The following ILRUN variants were observed in gnomAD, a reference collection of about 807,000 sequenced individuals.
ILRUN encodes the protein inflammation and lipid regulator with UBA-like and NBR1-like domains.
A neutral mutation model predicts 33.8 loss-of-function variants in ILRUN; 3 were observed. The observed-to-expected ratio is 0.09, with a 90% confidence interval of 0.04 to 0.23. ILRUN has a LOEUF of 0.23. ILRUN is among the 10% of genes least tolerant of loss of function. ILRUN has a pLI of 1.00. For synonymous variants in ILRUN, 124 were observed against 138.9 expected, an observed-to-expected ratio of 0.89 and a Z score of 0.75; for missense variants, 210 against 375.1, an observed-to-expected ratio of 0.56 and a Z score of 3.64.
intron 1 of ILRUN, among the ~76,000 whole-genome samples, chr6:34,668,921 G>A (rs1054392661): frequency 6.8e-6 from 1 of 146,244 alleles, no homozygotes; most frequent in Non-Finnish European, 1.5e-5. Flanking sequence ...TTGGATCACT[G>A]CAACCTCCGC....
intron 1 of ILRUN, among the ~76,000 whole-genome samples, chr6:34,667,665 T>C (rs1763032662): frequency 1.3e-5 from 2 of 152,182 alleles, no homozygotes; most frequent in African/African-American, 4.8e-5. Context: ...TAGGACAAAC[T>C]AACATAATAT....
At chr6:34,628,281 A>G (rs773507551) in intron 3 of ILRUN, among the ~76,000 whole-genome samples, 5 of 152,158 alleles carry the variant, frequency 3.3e-5, no homozygotes, top group Non-Finnish European at 5.9e-5. Flanking sequence ...TCAGCCAGCT[A>G]AAGTGTTGAG....
At position 34,637,830 on chromosome 6, in the gene ILRUN, A is replaced by G. The variant is rs1762393290; in HGVS notation, c.511+8771T>C. On this transcript the variant is annotated intron_variant, in intron 3 of 4. Transcript: ENST00000374023. ...AATCTGAACAGTACAGTCATTTCAC[A>G]TTGCTGTTGTTGTTGCTGCTGCTGC... Among the ~76,000 whole-genome samples, 3 of 147,134 alleles carry G rather than the reference A, an allele frequency of 2.0e-5. No homozygotes were observed. The South Asian group carries it at 6.4e-4, about 32-fold the overall frequency.
intron 1 of ILRUN, among the ~76,000 whole-genome samples, chr6:34,664,319 C>T (rs939194736): frequency 3.3e-5 from 5 of 152,134 alleles, no homozygotes; most frequent in African/African-American, 1.2e-4. Context: ...AGAATAAAGA[C>T]TGCAATGAAA....
chr6:34,613,172 T>A (rs995015364), intron 3 of ILRUN, among the ~76,000 whole-genome samples: 4 of 151,914 alleles, frequency 2.6e-5, no homozygotes, highest in Non-Finnish European at 5.9e-5. Context: ...CGAGATCGCA[T>A]CACTGCACTC....
intron 1 of ILRUN, among the ~76,000 whole-genome samples, chr6:34,655,857 T>G (rs1490720713): frequency 6.6e-6 from 1 of 152,136 alleles, no homozygotes; most frequent in Non-Finnish European, 1.5e-5. Flanking sequence ...CTCTAACATT[T>G]TGGATTTCTC....
rs1562033087 is a variant in ILRUN at position 34,683,476 on chromosome 6, A to ATG, written c.158+12969_158+12970insCA. Among the ~76,000 whole-genome samples, 138 of 113,348 alleles carry ATG rather than the reference A, an allele frequency of 1.2e-3. 2 individuals are homozygous for ATG. The highest frequency in any genetic ancestry group is 4.7e-3 in the African/African-American group (128 of 27,476). The allele number at this position is 113,348 out of a possible 152,430, so 74.4% of individuals were successfully genotyped here. A position where few individuals can be genotyped will look rare whatever the true frequency, so the allele number is the denominator to read the frequency against. On this transcript the variant is annotated intron_variant, in intron 1 of 4. Transcript: ENST00000374023. ...TACATATATATACATATATATACAC[A>ATG]TATATATATACATATATATATACAT... is the stretch of plus-strand genomic sequence containing the variant.
intron 1 of ILRUN, chr6:34,696,213 C>T (rs2127394444): frequency 1.9e-6 from 1 of 513,778 alleles, no homozygotes; most frequent in African/African-American, 2.0e-5. Context: ...CTCGCCCCCA[C>T]CATCTCCCTT....
intron 3 of ILRUN, among the ~76,000 whole-genome samples, chr6:34,644,090 T>G (rs1283453396): frequency 1.3e-5 from 2 of 152,154 alleles, no homozygotes; most frequent in Non-Finnish European, 1.5e-5. Flanking sequence ...TTTGAGAGAG[T>G]TGCTATGAGT....
chr6:34,602,499 G>A (rs977469579), intron 4 of ILRUN, among the ~76,000 whole-genome samples: 1 of 152,226 alleles, frequency 6.6e-6, no homozygotes, highest in African/African-American at 2.4e-5. Flanking sequence ...GCCCCCCAGA[G>A]ATGAGTCAGA....
At chr6:34,685,488 T>A (rs1763496466) in intron 1 of ILRUN, 1 of 152,182 alleles carries the variant, frequency 6.6e-6, no homozygotes, top group Non-Finnish European at 1.5e-5. Flanking sequence ...CCTGGTGGTC[T>A]CCTGCTCCCG....
At chr6:34,624,896 T>C (rs1288700002) in intron 3 of ILRUN, among the ~76,000 whole-genome samples, 1 of 152,216 alleles carries the variant, frequency 6.6e-6, no homozygotes, top group Non-Finnish European at 1.5e-5. Context: ...CGAGAGATCT[T>C]AGATAATACA....
chr6:34,647,542 G>A (rs1345044013), intron 2 of ILRUN, among the ~76,000 whole-genome samples: 1 of 152,020 alleles, frequency 6.6e-6, no homozygotes. Context: ...CTGTCAAAGG[G>A]AGATAGATTT....
At chr6:34,665,457 G>GA (rs1452165832) in intron 1 of ILRUN, among the ~76,000 whole-genome samples, 1 of 152,064 alleles carries the variant, frequency 6.6e-6, no homozygotes, top group Non-Finnish European at 1.5e-5. Context: ...AAGAGACAGA[G>GA]AGAGAAGGAG....
chr6:34,597,967 C>T (rs377030821), intron 4 of ILRUN, among the ~76,000 whole-genome samples: 4 of 152,114 alleles, frequency 2.6e-5, no homozygotes, highest in African/African-American at 9.7e-5. Flanking sequence ...CTGCTTTGGC[C>T]GTCCCCAAAT....
At chr6:34,645,460 G>A (rs374320557) in intron 3 of ILRUN, among the ~76,000 whole-genome samples, 28 of 151,906 alleles carry the variant, frequency 1.8e-4, no homozygotes, top group African/African-American at 6.8e-4. Context: ...CTGCAACCTC[G>A]ACCTCCTAGG....
At chr6:34,602,645 C>T (rs1156291101) in intron 4 of ILRUN, among the ~76,000 whole-genome samples, 2 of 152,216 alleles carry the variant, frequency 1.3e-5, no homozygotes, top group African/African-American at 4.8e-5. Flanking sequence ...TTCACCAGTA[C>T]TTGATCTCAC....
chr6:34,665,645 T>C (rs1233001718), intron 1 of ILRUN, among the ~76,000 whole-genome samples: 1 of 151,952 alleles, frequency 6.6e-6, no homozygotes, highest in Non-Finnish European at 1.5e-5. Flanking sequence ...CACAGGCTGG[T>C]TTCGAACTCC....
chr6:34,652,680 C>T (rs2127364158), intron 2 of ILRUN, among the ~76,000 whole-genome samples: 1 of 152,280 alleles, frequency 6.6e-6, no homozygotes, highest in East Asian at 1.9e-4. Flanking sequence ...ATAAAATTAA[C>T]TTGCTAGACA....
Sources: allele counts gnomAD v4.1 joint callset (sites outside exome capture counted in the v4.1 genomes callset), GRCh38; gene constraint gnomAD v4.1.1; transcripts MANE v1.5; gene names NCBI Gene and HGNC (gene_info 2026-07-23, HGNC 2026-07-21).